The following AGBL4 variants were observed in gnomAD, a reference collection of about 807,000 sequenced individuals.
The protein encoded by AGBL4 is AGBL carboxypeptidase 4, also known as cytosolic carboxypeptidase 6.
A neutral mutation model predicts 66.4 loss-of-function variants in AGBL4; 58 were observed. The ratio of observed to expected loss-of-function variants is 0.87; its 90% CI spans 0.71 to 1.09. The LOEUF (loss-of-function observed/expected upper bound fraction) is 1.09, where lower values mean the gene tolerates loss of function less well. AGBL4 is among the 50% of genes least tolerant of loss of function. The pLI, the probability that AGBL4 is intolerant of heterozygous loss-of-function variation, is 0.00. For synonymous variants in AGBL4, 234 were observed against 222.9 expected, an observed-to-expected ratio of 1.05 and a Z score of -0.44; for missense variants, 579 against 631.0, an observed-to-expected ratio of 0.92 and a Z score of 0.88.
intron 3 of AGBL4, among the ~76,000 whole-genome samples, chr1:49,552,673 G>T (rs1294361548): frequency 2.0e-5 from 3 of 152,190 alleles, no homozygotes; most frequent in Admixed American, 2.0e-4. Context: ...GGGTCCTGGA[G>T]TAGCAGTCCG....
At chr1:48,723,292 T>C (rs1304419241) in intron 6 of AGBL4, among the ~76,000 whole-genome samples, 1 of 152,194 alleles carries the variant, frequency 6.6e-6, no homozygotes, top group Non-Finnish European at 1.5e-5. Context: ...TGGAATAATA[T>C]TTTACTGATG....
chr1:49,610,365 G>A (rs939495439), intron 3 of AGBL4, among the ~76,000 whole-genome samples: 1 of 152,136 alleles, frequency 6.6e-6, no homozygotes, highest in African/African-American at 2.4e-5. Context: ...TAACTCAAAC[G>A]TAGACTTTTC....
chr1:49,129,527 T>C (rs1303569480), intron 4 of AGBL4, among the ~76,000 whole-genome samples: 1 of 150,522 alleles, frequency 6.6e-6, no homozygotes, highest in African/African-American at 2.4e-5. Flanking sequence ...TGTGTTCTCA[T>C]TGTTCAATTC....
intron 2 of AGBL4, among the ~76,000 whole-genome samples, chr1:49,720,561 G>A (rs1361738831): frequency 6.6e-6 from 1 of 152,102 alleles, no homozygotes; most frequent in Non-Finnish European, 1.5e-5. Context: ...ATATACTTTG[G>A]AATAATACTG....
At chr1:49,023,685 CCAAA>C in intron 5 of AGBL4, among the ~76,000 whole-genome samples, 1 of 152,248 alleles carries the variant, frequency 6.6e-6, no homozygotes, top group East Asian at 1.9e-4. Flanking sequence ...GCCCTGGAAT[CCAAA>C]AGGTCAGCTA....
chr1:48,827,894 C>T (rs532969046), intron 6 of AGBL4, among the ~76,000 whole-genome samples: 239 of 152,030 alleles, frequency 1.6e-3, no homozygotes, highest in Admixed American at 2.6e-3. Context: ...GCGGCTCATG[C>T]CTGTAATCCC....
intron 1 of AGBL4, among the ~76,000 whole-genome samples, chr1:49,968,780 C>G (rs1657793229): frequency 6.6e-6 from 1 of 152,170 alleles, no homozygotes; most frequent in Admixed American, 6.5e-5. Flanking sequence ...ATGGCTAGAG[C>G]TCCAAAAGCC....
chr1:49,296,250 A>G (rs1454937023), intron 3 of AGBL4, among the ~76,000 whole-genome samples: 1 of 152,164 alleles, frequency 6.6e-6, no homozygotes, highest in Non-Finnish European at 1.5e-5. Context: ...GAGAAAATAG[A>G]GGTTCAGAGA....
At chr1:49,918,918 G>C (rs898690360) in intron 1 of AGBL4, among the ~76,000 whole-genome samples, 4 of 152,154 alleles carry the variant, frequency 2.6e-5, no homozygotes, top group African/African-American at 9.7e-5. Flanking sequence ...GGGATGCAAG[G>C]CTGGTTCAAC....
intron 11 of AGBL4, among the ~76,000 whole-genome samples, chr1:48,563,495 G>A (rs1569802669): frequency 6.6e-6 from 1 of 152,038 alleles, no homozygotes; most frequent in Non-Finnish European, 1.5e-5. Context: ...TGACAGAAAT[G>A]GAGTGAGGGG....
intron 3 of AGBL4, among the ~76,000 whole-genome samples, chr1:49,406,551 A>C (rs1347009287): frequency 6.6e-6 from 1 of 152,196 alleles, no homozygotes; most frequent in East Asian, 1.9e-4. Flanking sequence ...TAGTTTTTAT[A>C]TATTTTAGTA....
At chr1:49,385,656 G>A (rs190924762) in intron 3 of AGBL4, among the ~76,000 whole-genome samples, 2 of 151,880 alleles carry the variant, frequency 1.3e-5, no homozygotes, top group Admixed American at 6.6e-5. Context: ...TATATCTTTT[G>A]TACAATTTTC....
rs781097654 is a variant in AGBL4 at position 49,697,356 on chromosome 1, C to T, written c.239G>A (p.Arg80Gln). The change falls in exon 3 of 14, where the codon CGA becomes CAA. Residue 80 changes from arginine to glutamine, a missense_variant. Physicochemically the swap from Arg to Gln is conservative, Grantham distance 43. Transcript: ENST00000371839. ...TTCAACAGTAAAGTTGAACCAGACT[C>T]GGAAGCGTGGATTACAGGTGTCCGG... ...IRPDTCNPRFRVWFNFTVENV... is the reference protein window; with the variant it reads ...IRPDTCNPRFQVWFNFTVENV... 5 of 1,548,418 alleles carry T rather than the reference C, an allele frequency of 3.2e-6. No individual in the cohort carries two copies. Among genetic ancestry groups the T allele is most frequent in the South Asian group, 1.2e-5 (1 of 83,788 alleles).
chr1:49,443,506 C>A (rs1646082872), intron 3 of AGBL4, among the ~76,000 whole-genome samples: 2 of 151,954 alleles, frequency 1.3e-5, no homozygotes, highest in Admixed American at 6.6e-5. Flanking sequence ...TTTCTGGCAA[C>A]ACTTATTGAA....
intron 5 of AGBL4, among the ~76,000 whole-genome samples, chr1:48,925,432 A>T (rs1654455240): frequency 1.3e-5 from 2 of 152,190 alleles, no homozygotes; most frequent in Non-Finnish European, 1.5e-5. Context: ...CATGGCCCAC[A>T]GGCCATATGC....
intron 3 of AGBL4, among the ~76,000 whole-genome samples, chr1:49,273,310 A>G (rs1644099301): frequency 6.6e-6 from 1 of 152,026 alleles, no homozygotes; most frequent in African/African-American, 2.4e-5. Flanking sequence ...TAATATACAT[A>G]ATAATTAAAA....
At chr1:48,798,727 A>T (rs768099952) in intron 6 of AGBL4, among the ~76,000 whole-genome samples, 1 of 152,188 alleles carries the variant, frequency 6.6e-6, no homozygotes, top group Non-Finnish European at 1.5e-5. Flanking sequence ...ATTCTTCTAC[A>T]TGTGGCTTGC....
At chr1:48,769,296 C>A (rs1347644862) in intron 6 of AGBL4, among the ~76,000 whole-genome samples, 7 of 152,066 alleles carry the variant, frequency 4.6e-5, no homozygotes, top group Non-Finnish European at 8.8e-5. Flanking sequence ...TTCAGTAGGT[C>A]TCCTTGTTCT....
At chr1:49,759,226 T>G (rs1177531202) in intron 2 of AGBL4, among the ~76,000 whole-genome samples, 1 of 152,178 alleles carries the variant, frequency 6.6e-6, no homozygotes, top group Non-Finnish European at 1.5e-5. Context: ...GAAAACAGAC[T>G]AAATACACTC....
Sources: gnomAD v4.1 joint callset for allele counts (sites outside exome capture counted in the v4.1 genomes callset) on GRCh38, gnomAD v4.1.1 for gene constraint, MANE v1.5 for transcripts, NCBI Gene and HGNC (gene_info 2026-07-23, HGNC 2026-07-21) for gene names.